The following CYTH3 variants were observed in gnomAD, a reference collection of about 807,000 sequenced individuals.
The protein encoded by CYTH3 is cytohesin 3.
A neutral mutation model predicts 55.1 loss-of-function variants in CYTH3; 23 were observed. The ratio of observed to expected loss-of-function variants is 0.42; its 90% CI spans 0.30 to 0.59. The LOEUF is 0.59. Among genes scored for constraint, CYTH3 ranks in the 20% least tolerant of loss-of-function variants. The probability of loss-of-function intolerance (pLI) is 0.20; values close to 1 mark genes in which losing one functional copy is unlikely to be tolerated. For synonymous variants in CYTH3, 249 were observed against 194.9 expected (o/e 1.28, Z -2.31); for missense variants, 413 against 524.8 (o/e 0.79, Z 2.08).
Position 6,171,391 on chromosome 7 carries a change from C to T in CYTH3, c.450-77G>A. On this transcript the variant is annotated intron_variant, in intron 6 of 12. Coordinates refer to ENST00000350796, the MANE Select transcript of CYTH3 (RefSeq NM_004227.4). The surrounding 1 kb of genome is among the most constrained non-coding windows in gnomAD (Gnocchi z 6.7). ...ACGGCCAAGGGCGGCTTCTGCCCAG[C>T]TCAGGAAGGACGTTTTCCTCCCGAG... The T allele has an allele frequency of 7.1e-7, 1 of 1,403,148 alleles. No individual in the cohort carries two copies. The highest frequency in any genetic ancestry group is 1.0e-6 in the Non-Finnish European group (1 of 998,220). 86.9% of individuals were successfully genotyped at this position (1,403,148 alleles called of 1,614,324 possible). A position where few individuals can be genotyped will look rare whatever the true frequency, so the allele number is the denominator to read the frequency against.
intron 1 of CYTH3, among the ~76,000 whole-genome samples, chr7:6,259,796 T>TATTATATATATATA (rs1780278529): frequency 4.6e-5 from 1 of 21,844 alleles, no homozygotes; most frequent in Non-Finnish European, 6.5e-5. Flanking sequence ...TATATATATA[T>TATTATATATATATA]ATATATATAT....
chr7:6,225,507 C>T (rs114402539), intron 1 of CYTH3, among the ~76,000 whole-genome samples: 1,866 of 151,976 alleles, frequency 0.012, 48 homozygotes, highest in African/African-American at 0.042. Context: ...GCATGAACCA[C>T]CATGCTAGGC....
chr7:6,207,876 G>C (rs756184723), intron 1 of CYTH3, among the ~76,000 whole-genome samples: 30 of 150,662 alleles, frequency 2.0e-4, no homozygotes, highest in Non-Finnish European at 3.1e-4. Context: ...CTTAAACCCA[G>C]AAAGCGGAGG....
rs564663291 is a variant in CYTH3, at chr7:6,260,683, T to C, written c.34+11791A>G. Among the ~76,000 whole-genome samples, 8 of 152,226 alleles carry C rather than the reference T, an allele frequency of 5.3e-5. No homozygotes were observed. The South Asian group carries it at 1.7e-3, about 32-fold the overall frequency. On this transcript the variant is annotated intron_variant, in intron 1 of 12. Coordinates refer to ENST00000350796, the MANE Select transcript of CYTH3 (RefSeq NM_004227.4). Reference sequence around the variant, plus strand: ...AACACAGCTGATCGATCACTCCTTCTCTCTTCTGCAATGCCACACAATCTT... The same window carrying C: ...AACACAGCTGATCGATCACTCCTTCCCTCTTCTGCAATGCCACACAATCTT...
chr7:6,215,397 T>C (rs867417255), intron 1 of CYTH3, among the ~76,000 whole-genome samples: 3 of 152,130 alleles, frequency 2.0e-5, no homozygotes, highest in African/African-American at 7.2e-5. Context: ...AAGACCATCC[T>C]GGCTAACACA....
chr7:6,262,072 G>A (rs57303756), intron 1 of CYTH3, among the ~76,000 whole-genome samples: 2,752 of 152,238 alleles, frequency 0.018, 92 homozygotes, highest in African/African-American at 0.062. Flanking sequence ...CTCAATAAAC[G>A]AGTTCAACAG....
At chr7:6,201,881 T>A (rs1784065887) in intron 1 of CYTH3, among the ~76,000 whole-genome samples, 1 of 151,044 alleles carries the variant, frequency 6.6e-6, no homozygotes, top group South Asian at 2.1e-4. Flanking sequence ...AAAACTGGAA[T>A]GAGAAAAAAT....
rs905267752 is a variant in CYTH3 at position 6,162,463 on chromosome 7, A to G, written c.*2481T>C. On this transcript the variant is annotated 3_prime_UTR_variant, in exon 13 of 13. Coordinates refer to ENST00000350796, the MANE Select transcript of CYTH3 (RefSeq NM_004227.4). Reference sequence around the variant, plus strand: ...ACTGTGATTGTGACGCGGCCTGCCCAGGGTGAGGGACAAAAAACAGATGTG... The same window carrying G: ...ACTGTGATTGTGACGCGGCCTGCCCGGGGTGAGGGACAAAAAACAGATGTG... 6.7e-6 allele frequency: 1 copy of G among 148,768 alleles called. No homozygotes were observed. The highest frequency in any genetic ancestry group is 1.5e-5 in the Non-Finnish European group (1 of 66,532). The allele number at this position is 148,768 out of a possible 1,614,324, so 9.2% of individuals were successfully genotyped here.
rs5882084 is a variant in CYTH3 at position 6,196,456 on chromosome 7, CTTTTTT to C, written c.35-5931_35-5926del. Among the ~76,000 whole-genome samples the C allele has an allele frequency of 4.8e-4, 55 of 113,992 alleles. 2 individuals carry two copies. Among genetic ancestry groups the C allele is most frequent in the South Asian group, 2.4e-3 (8 of 3,382 alleles). 74.8% of individuals were successfully genotyped at this position (113,992 alleles called of 152,430 possible). ...GAGGGAGCATCTTTTTTCTTTTTTT[CTTTTTT>C]TTTTTTTTTTTTTTGAGACGGAATT... On this transcript the variant is annotated intron_variant, in intron 1 of 12. Transcript: ENST00000350796.
At chr7:6,205,875 TAA>T (rs370194149) in intron 1 of CYTH3, among the ~76,000 whole-genome samples, 535 of 27,872 alleles carry the variant, frequency 0.019, no homozygotes, top group African/African-American at 0.051. Flanking sequence ...TCCTATCTCT[TAA>T]AAAAAAAAAA....
intron 1 of CYTH3, among the ~76,000 whole-genome samples, chr7:6,210,039 A>G (rs1784289845): frequency 6.6e-6 from 1 of 152,192 alleles, no homozygotes; most frequent in Admixed American, 6.5e-5. Flanking sequence ...TGGTGGATCC[A>G]TGTCATTATG....
At chr7:6,244,229 A>G (rs1779748759) in intron 1 of CYTH3, among the ~76,000 whole-genome samples, 1 of 152,208 alleles carries the variant, frequency 6.6e-6, no homozygotes. Context: ...CTGGGGGGAA[A>G]AAAACAGGTT....
At chr7:6,224,862 T>C (rs541692139) in intron 1 of CYTH3, among the ~76,000 whole-genome samples, 16 of 152,356 alleles carry the variant, frequency 1.1e-4, no homozygotes, top group African/African-American at 3.8e-4. Flanking sequence ...GACACTGGGA[T>C]ATTCAGATAA....
At chr7:6,188,355 AC>A (rs199625972) in intron 2 of CYTH3, among the ~76,000 whole-genome samples, 9 of 151,300 alleles carry the variant, frequency 5.9e-5, no homozygotes, top group African/African-American at 2.2e-4. Context: ...AAACAAAAAA[AC>A]AAAAAAAAAA....
intron 1 of CYTH3, among the ~76,000 whole-genome samples, chr7:6,208,451 G>A (rs1427165514): frequency 6.6e-6 from 1 of 152,198 alleles, no homozygotes; most frequent in Non-Finnish European, 1.5e-5. Flanking sequence ...GTTCCATACA[G>A]CAAAACTAAA....
At chr7:6,236,399 A>G (rs1583185723) in intron 1 of CYTH3, among the ~76,000 whole-genome samples, 1 of 144,274 alleles carries the variant, frequency 6.9e-6, no homozygotes, top group Non-Finnish European at 1.5e-5. Context: ...TTGTACAGAC[A>G]GGGTCTTGCT....
At chr7:6,259,760 T>TATATATATTATATATATATATA (rs1780245945) in intron 1 of CYTH3, among the ~76,000 whole-genome samples, 1 of 25,900 alleles carries the variant, frequency 3.9e-5, no homozygotes, top group African/African-American at 3.7e-4. Flanking sequence ...ATATATATTA[T>TATATATATTATATATATATATA]ATATATATAT....
chr7:6,179,906 CCACACACACACAAACCA>C (rs984884035), intron 4 of CYTH3, among the ~76,000 whole-genome samples: 3 of 143,200 alleles, frequency 2.1e-5, no homozygotes, highest in African/African-American at 8.1e-5. Context: ...CCACACACAA[CCACACACACACAAACCA>C]CACACACACA....
chr7:6,237,484 C>A (rs565488593), intron 1 of CYTH3, among the ~76,000 whole-genome samples: 6 of 152,006 alleles, frequency 3.9e-5, no homozygotes, highest in African/African-American at 1.4e-4. Flanking sequence ...CCGAGGCGGG[C>A]GGATCTCCAG....
Sources: gnomAD v4.1 joint callset for allele counts (sites outside exome capture counted in the v4.1 genomes callset) on GRCh38, gnomAD v4.1.1 for gene constraint, Gnocchi (gnomAD v3.1) non-coding constraint, MANE v1.5 for transcripts, NCBI Gene and HGNC (gene_info 2026-07-23, HGNC 2026-07-21) for gene names.